Variants in TMIGD3 observed in about 807,000 individuals in gnomAD.
TMIGD3 encodes transmembrane and immunoglobulin domain containing 3, also known as AD026 protein (AD026).
In TMIGD3, 21 loss-of-function variants were observed where a neutral mutation model predicts 28.1. That is an observed-to-expected ratio of 0.75 (90% CI 0.53 to 1.08). The LOEUF (loss-of-function observed/expected upper bound fraction) is 1.08. Among genes scored for constraint, TMIGD3 ranks in the 50% least tolerant of loss-of-function variants. TMIGD3 has a pLI of 0.00. For missense variants in TMIGD3, 416 were observed against 435.6 expected, an observed-to-expected ratio of 0.96 and a Z score of 0.40; for synonymous variants, 151 against 162.1, an observed-to-expected ratio of 0.93 and a Z score of 0.52.
intron 1 of TMIGD3, chr1:111,499,682 A>T: frequency 8.1e-7 from 1 of 1,234,664 alleles, no homozygotes; most frequent in Non-Finnish European, 1.0e-6. Context: ...ATTGGGAAGA[A>T]GGAAAACAGA....
intron 1 of TMIGD3, among the ~76,000 whole-genome samples, chr1:111,515,126 T>G (rs192211819): frequency 6.6e-6 from 1 of 152,308 alleles, no homozygotes; most frequent in East Asian, 1.9e-4. Context: ...GCTGAGAGTT[T>G]AGAATCCTGA....
intron 1 of TMIGD3, among the ~76,000 whole-genome samples, chr1:111,509,758 T>C (rs1294872445): frequency 6.6e-6 from 1 of 152,254 alleles, no homozygotes; most frequent in Non-Finnish European, 1.5e-5. Flanking sequence ...AGAGCTGCCA[T>C]TGATAAAATG....
At chr1:111,489,559 TA>T in intron 2 of TMIGD3, 1 of 1,070,246 alleles carries the variant, frequency 9.3e-7, no homozygotes, top group Non-Finnish European at 1.2e-6. Flanking sequence ...CCTAGCAAAC[TA>T]ATAAAGCAAC....
chr1:111,485,851 C>A lies in TMIGD3; in HGVS notation c.873-11G>T. ...ATGAGAATGGACGTCCTAGAAGGAACCACAGCAGATTTCATGTTGCTTGGA... is the reference window on the plus strand; with the variant it reads ...ATGAGAATGGACGTCCTAGAAGGAAACACAGCAGATTTCATGTTGCTTGGA... On this transcript the variant is annotated splice_polypyrimidine_tract_variant and intron_variant, in intron 4 of 5. Coordinates refer to ENST00000369716, the MANE Select transcript of TMIGD3 (RefSeq NM_020683.7). 6.3e-7 allele frequency: 1 copy of A among 1,593,364 alleles called. No homozygotes were observed. The highest frequency in any genetic ancestry group is 8.6e-7 in the Non-Finnish European group (1 of 1,167,830).
intron 1 of TMIGD3, among the ~76,000 whole-genome samples, chr1:111,491,492 C>T (rs900617992): frequency 6.6e-6 from 1 of 152,234 alleles, no homozygotes; most frequent in Non-Finnish European, 1.5e-5. Flanking sequence ...CTACTTATCA[C>T]ATCCCAGAGC....
chr1:111,532,876 G>T (rs530699351), intron 1 of TMIGD3, among the ~76,000 whole-genome samples: 2 of 152,354 alleles, frequency 1.3e-5, no homozygotes, highest in South Asian at 2.1e-4. Flanking sequence ...CCTGGTAAAA[G>T]AGCTTCTGCA....
intron 1 of TMIGD3, among the ~76,000 whole-genome samples, chr1:111,514,199 G>A (rs1042310736): frequency 2.6e-5 from 4 of 152,088 alleles, no homozygotes; most frequent in Admixed American, 6.5e-5. Context: ...GGTGCAACTC[G>A]CCATTTCAGA....
intron 1 of TMIGD3, among the ~76,000 whole-genome samples, chr1:111,496,659 A>T (rs1291845466): frequency 6.6e-6 from 1 of 152,198 alleles, no homozygotes; most frequent in African/African-American, 2.4e-5. Flanking sequence ...AACCACTTGT[A>T]GTCTGGTGCT....
chr1:111,505,208 C>G (rs1444123613), upstream of TMIGD3, among the ~76,000 whole-genome samples: 1 of 151,922 alleles, frequency 6.6e-6, no homozygotes. Context: ...AAAAAACCCT[C>G]CCTCCCCTAC....
At chr1:111,508,878 C>A in intron 1 of TMIGD3, among the ~76,000 whole-genome samples, 1 of 152,184 alleles carries the variant, frequency 6.6e-6, no homozygotes, top group East Asian at 1.9e-4. Context: ...GGGCGGATCA[C>A]GAGGTCAGGC....
At chr1:111,492,127 C>T (rs1654696550) in intron 1 of TMIGD3, among the ~76,000 whole-genome samples, 1 of 152,170 alleles carries the variant, frequency 6.6e-6, no homozygotes, top group Admixed American at 6.5e-5. Flanking sequence ...TATGGAAAAA[C>T]CAATTCACCA....
At chr1:111,551,140 G>A (rs753214988) in intron 1 of TMIGD3, among the ~76,000 whole-genome samples, 6 of 152,038 alleles carry the variant, frequency 3.9e-5, no homozygotes, top group Non-Finnish European at 7.4e-5. Flanking sequence ...AATCTAAAGG[G>A]AGACTTTTAC....
chr1:111,509,142 T>C (rs1272205793), intron 1 of TMIGD3, among the ~76,000 whole-genome samples: 1 of 152,224 alleles, frequency 6.6e-6, no homozygotes, highest in East Asian at 1.9e-4. Flanking sequence ...GCCCAGCTCC[T>C]GGTCTCCTCG....
At chr1:111,541,451 G>A (rs1400752510) in intron 1 of TMIGD3, among the ~76,000 whole-genome samples, 1 of 152,186 alleles carries the variant, frequency 6.6e-6, no homozygotes, top group Non-Finnish European at 1.5e-5. Flanking sequence ...ATCAGTAGAT[G>A]TTTTGCAGGC....
chr1:111,507,039 GTATATATATA>G (rs59345912), upstream of TMIGD3, among the ~76,000 whole-genome samples: 20,252 of 125,876 alleles, frequency 0.16, 1,604 homozygotes, highest in East Asian at 0.35. Context: ...GTGTGTGTGT[GTATATATATA>G]TATATATATA....
intron 1 of TMIGD3, among the ~76,000 whole-genome samples, chr1:111,561,512 G>A (rs1657735582): frequency 1.3e-5 from 2 of 152,136 alleles, no homozygotes; most frequent in Non-Finnish European, 2.9e-5. Flanking sequence ...TGTATTGGGG[G>A]AAGGAGGGAG....
chr1:111,530,089 C>G (rs1156272671), intron 1 of TMIGD3, among the ~76,000 whole-genome samples: 1 of 152,072 alleles, frequency 6.6e-6, no homozygotes, highest in Non-Finnish European at 1.5e-5. Flanking sequence ...AGAGGCGCCC[C>G]TCTGTAATTG....
chr1:111,514,637 T>A (rs1372555342), intron 1 of TMIGD3, among the ~76,000 whole-genome samples: 4 of 76,102 alleles, frequency 5.3e-5, no homozygotes, highest in African/African-American at 1.6e-4. Flanking sequence ...GTGCATACAG[T>A]ATGGGAACAC....
chr1:111,524,464 G>A (rs1370795043), intron 1 of TMIGD3, among the ~76,000 whole-genome samples: 6 of 152,172 alleles, frequency 3.9e-5, no homozygotes, highest in Non-Finnish European at 5.9e-5. Context: ...CTTGTCAGTA[G>A]TATGGTTTTG....
Sources: gnomAD v4.1 joint callset for allele counts (sites outside exome capture counted in the v4.1 genomes callset) on GRCh38, gnomAD v4.1.1 for gene constraint, MANE v1.5 for transcripts, NCBI Gene and HGNC (gene_info 2026-07-23, HGNC 2026-07-21) for gene names.